RGS5: variants seen among roughly 807,000 people sequenced by gnomAD.
The protein encoded by RGS5 is regulator of G protein signaling 5, also known as regulator of G-protein signalling 5.
A neutral mutation model predicts 18.9 loss-of-function variants in RGS5; 20 were observed. The ratio of observed to expected loss-of-function variants is 1.06; its 90% CI spans 0.74 to 1.54. The LOEUF (loss-of-function observed/expected upper bound fraction) is 1.54, where lower values mean the gene tolerates loss of function less well. RGS5 is among the 40% of genes most tolerant of loss of function. The probability of loss-of-function intolerance (pLI) is 0.00; values close to 1 mark genes in which losing one functional copy is unlikely to be tolerated. For missense variants in RGS5, 201 were observed against 211.8 expected, an observed-to-expected ratio of 0.95 and a Z score of 0.32; for synonymous variants, 57 against 76.2, an observed-to-expected ratio of 0.75 and a Z score of 1.31.
chr1:163,243,065 G>T (rs1431910969), intron 2 of RGS5, among the ~76,000 whole-genome samples: 2 of 152,120 alleles, frequency 1.3e-5, no homozygotes, highest in African/African-American at 2.4e-5. Context: ...TGATAGACTG[G>T]ATAAAGAAAA....
intron 2 of RGS5, among the ~76,000 whole-genome samples, chr1:163,271,494 G>C (rs935388100): frequency 2.8e-4 from 43 of 152,160 alleles, no homozygotes; most frequent in African/African-American, 8.9e-4. Flanking sequence ...TAGAGAATCT[G>C]CTGGCATCCT....
At position 163,306,323 on chromosome 1, in the gene RGS5, T is replaced by C. The variant is rs188701891; in HGVS notation, c.-371A>G. The C allele has an allele frequency of 5.7e-4, 87 of 152,090 alleles. 1 individual carries two copies. Among genetic ancestry groups the C allele is most frequent in the African/African-American group, 1.9e-3 (80 of 41,334 alleles). 9.4% of individuals were successfully genotyped at this position (152,090 alleles called of 1,614,324 possible). A position where few individuals can be genotyped will look rare whatever the true frequency, so the allele number is the denominator to read the frequency against. On this transcript the variant is annotated 5_prime_UTR_variant, in exon 2 of 6. Transcript: ENST00000618415. ...TATCCAGACAGTGCTTTTTAAGCGC[T>C]CTGTTTCTAAGAAAAATAAAATGAA... is the stretch of plus-strand genomic sequence containing the variant.
intron 2 of RGS5, among the ~76,000 whole-genome samples, chr1:163,268,818 C>G (rs903484565): frequency 3.3e-5 from 5 of 152,102 alleles, no homozygotes; most frequent in African/African-American, 9.7e-5. Context: ...GGTGTTCTTT[C>G]CTGTGGCCCT....
chr1:163,177,059 G>A lies in RGS5; in HGVS notation c.45-8691C>T, dbSNP rs1026789925. 3.3e-5 allele frequency among the ~76,000 whole-genome samples: 5 copies of A among 152,306 alleles called. No homozygotes were observed. The East Asian group carries it at 7.7e-4, about 24-fold the overall frequency. ...GATGCTTTGCCAACTAGCAGGACGC[G>A]TGCTAGAAGTGAGTGTTTACACGTA... On this transcript the variant is annotated intron_variant, in intron 1 of 4. Transcript: ENST00000313961.
chr1:163,199,740 G>T (rs912768540), intron 1 of RGS5, among the ~76,000 whole-genome samples: 2 of 151,930 alleles, frequency 1.3e-5, no homozygotes, highest in African/African-American at 4.8e-5. Flanking sequence ...CACAGGGCTG[G>T]GTCCTTGATT....
chr1:163,233,673 G>C (rs1647541248), intron 2 of RGS5, among the ~76,000 whole-genome samples: 1 of 152,126 alleles, frequency 6.6e-6, no homozygotes, highest in Non-Finnish European at 1.5e-5. Context: ...TGGGATAGGT[G>C]GTGGAGTTAG....
chr1:163,315,621 C>T (rs1038763613), intron 1 of RGS5, among the ~76,000 whole-genome samples: 13 of 152,056 alleles, frequency 8.5e-5, no homozygotes, highest in Admixed American at 1.3e-4. Flanking sequence ...AGAATAGGTA[C>T]TTTATAGTTC....
chr1:163,186,098 G>T (rs1659059451), intron 1 of RGS5, among the ~76,000 whole-genome samples: 1 of 145,958 alleles, frequency 6.9e-6, no homozygotes, highest in African/African-American at 2.5e-5. Flanking sequence ...TTGACATAGA[G>T]TCTTGCTCTG....
intron 2 of RGS5, among the ~76,000 whole-genome samples, chr1:163,263,864 G>A (rs1274669519): frequency 6.6e-6 from 1 of 151,076 alleles, no homozygotes; most frequent in African/African-American, 2.4e-5. Flanking sequence ...GATACTAGAT[G>A]CTCCATGCCT....
intron 2 of RGS5, among the ~76,000 whole-genome samples, chr1:163,256,520 T>C (rs995978192): frequency 6.6e-6 from 1 of 152,222 alleles, no homozygotes; most frequent in Non-Finnish European, 1.5e-5. Flanking sequence ...ATTTGGCAGA[T>C]ACGCATTCAT....
chr1:163,269,518 T>G (rs1456290890), intron 2 of RGS5, among the ~76,000 whole-genome samples: 1 of 152,188 alleles, frequency 6.6e-6, no homozygotes, highest in African/African-American at 2.4e-5. Context: ...TTTTATGCAC[T>G]CTAGGGTTGG....
intron 4 of RGS5, among the ~76,000 whole-genome samples, chr1:163,150,268 G>A (rs1657321908): frequency 6.6e-6 from 1 of 152,078 alleles, no homozygotes; most frequent in African/African-American, 2.4e-5. Context: ...GCTAGCCATG[G>A]TATTGTTTAT....
chr1:163,152,797 G>T, intron 3 of RGS5, 81 bp from the exon 4 acceptor site: 1 of 1,313,526 alleles, frequency 7.6e-7, no homozygotes, highest in Non-Finnish European at 1.0e-6. Flanking sequence ...AAGGGAAAGG[G>T]CTTAGCAATA....
upstream of RGS5, chr1:163,217,708 T>C: frequency 7.3e-7 from 1 of 1,361,722 alleles, no homozygotes; most frequent in Admixed American, 3.2e-5. Context: ...ACTTGGAACC[T>C]TGATGACATT....
chr1:163,276,433 T>C (rs1557928226), intron 2 of RGS5, among the ~76,000 whole-genome samples: 1 of 152,192 alleles, frequency 6.6e-6, no homozygotes, highest in Non-Finnish European at 1.5e-5. Context: ...GTTGTTTAGA[T>C]AGATAGATAT....
chr1:163,197,853 A>C (rs1441679050), intron 1 of RGS5, among the ~76,000 whole-genome samples: 2 of 152,148 alleles, frequency 1.3e-5, no homozygotes, highest in Non-Finnish European at 2.9e-5. Flanking sequence ...GATGGTCCTC[A>C]ATTCATTCCA....
At chr1:163,149,316 C>T (rs555074266) in intron 4 of RGS5, among the ~76,000 whole-genome samples, 10 of 152,250 alleles carry the variant, frequency 6.6e-5, no homozygotes, top group South Asian at 2.1e-4. Flanking sequence ...TTATTCTTCC[C>T]GCCACACTGA....
chr1:163,273,225 C>T (rs1378182787), intron 2 of RGS5, among the ~76,000 whole-genome samples: 2 of 151,960 alleles, frequency 1.3e-5, no homozygotes, highest in South Asian at 2.1e-4. Flanking sequence ...TTGGGTGGAG[C>T]GTTCTATAAA....
chr1:163,217,522 A>G, intron 1 of RGS5: 2 of 1,534,284 alleles, frequency 1.3e-6, no homozygotes, highest in South Asian at 1.2e-5. Context: ...ATATTTGTAC[A>G]TACATTGATA....
Sources: allele counts gnomAD v4.1 joint callset (sites outside exome capture counted in the v4.1 genomes callset), GRCh38; gene constraint gnomAD v4.1.1; transcripts MANE v1.5; gene names NCBI Gene and HGNC (gene_info 2026-07-23, HGNC 2026-07-21).